SGMS1: variants seen among roughly 807,000 people sequenced by gnomAD.
SGMS1 encodes the protein phosphatidylcholine:ceramide cholinephosphotransferase 1.
In SGMS1, 13 loss-of-function variants were observed where a neutral mutation model predicts 46.2. The observed-to-expected ratio is 0.28, with a 90% CI of 0.18 to 0.45. The LOEUF (loss-of-function observed/expected upper bound fraction) is 0.45. Ranked by LOEUF, SGMS1 falls within the 20% of genes least tolerant of loss-of-function variation. The probability of loss-of-function intolerance (pLI) is 1.00; values close to 1 mark genes in which losing one functional copy is unlikely to be tolerated. For missense variants in SGMS1, 324 were observed against 519.9 expected (o/e 0.62, Z 3.66); for synonymous variants, 203 against 187.8 (o/e 1.08, Z -0.66).
intron 8 of SGMS1, among the ~76,000 whole-genome samples, chr10:50,317,495 C>A (rs1195336431): frequency 6.6e-6 from 1 of 152,156 alleles, no homozygotes; most frequent in Non-Finnish European, 1.5e-5. Context: ...CAGTTGGGTT[C>A]AGAGCCCAAA....
intron 3 of SGMS1, among the ~76,000 whole-genome samples, chr10:50,471,095 C>G (rs1837374872): frequency 1.3e-5 from 2 of 152,140 alleles, no homozygotes; most frequent in Admixed American, 6.6e-5. Context: ...CAACTATGCT[C>G]CAGGCAATGG....
chr10:50,542,454 A>C (rs1298572309), intron 2 of SGMS1, among the ~76,000 whole-genome samples: 2 of 152,064 alleles, frequency 1.3e-5, no homozygotes, highest in Admixed American at 1.3e-4. Context: ...GAAACACTAA[A>C]ATTTCTATGA....
intron 2 of SGMS1, among the ~76,000 whole-genome samples, chr10:50,539,045 C>T (rs1176348119): frequency 3.3e-5 from 5 of 152,268 alleles, no homozygotes. Flanking sequence ...TTGTTCCTGT[C>T]CTCCTGCTCA....
At chr10:50,443,304 A>T (rs1428482945) in intron 5 of SGMS1, among the ~76,000 whole-genome samples, 4 of 152,212 alleles carry the variant, frequency 2.6e-5, no homozygotes, top group Non-Finnish European at 4.4e-5. Flanking sequence ...TTTTAAACAC[A>T]GTTCTTCTAT....
In SGMS1 at chr10:50,305,975, TAAAG is replaced by T. The variant is rs137884579; in HGVS notation, c.*1163_*1166del. 5.9e-3 allele frequency: 905 copies of T among 152,788 alleles called. 10 individuals carry two copies. The highest frequency in any genetic ancestry group is 0.02 in the African/African-American group (838 of 41,578). The allele number at this position is 152,788 out of a possible 1,614,324, so 9.5% of individuals were successfully genotyped here. ...ATGCAGTTTCTGCACAAATATCTTT[TAAAG>T]AAATAGATCTCTTTTTTGTTGTTCA... is the stretch of plus-strand genomic sequence containing the variant. On this transcript the variant is annotated 3_prime_UTR_variant, in exon 11 of 11. Coordinates refer to ENST00000361781, the MANE Select transcript of SGMS1 (RefSeq NM_147156.4).
chr10:50,469,267 C>T (rs1320604185), intron 3 of SGMS1, among the ~76,000 whole-genome samples: 1 of 152,134 alleles, frequency 6.6e-6, no homozygotes, highest in Non-Finnish European at 1.5e-5. Flanking sequence ...GCTATCTTCC[C>T]AAGTAAAGGA....
chr10:50,573,061 C>CT (rs1193489180), intron 2 of SGMS1, among the ~76,000 whole-genome samples: 1 of 152,150 alleles, frequency 6.6e-6, no homozygotes, highest in African/African-American at 2.4e-5. Flanking sequence ...ACCATAAAAA[C>CT]TGTCAAATTA....
intron 6 of SGMS1, among the ~76,000 whole-genome samples, chr10:50,369,497 G>A (rs115805637): frequency 6.7e-6 from 1 of 149,592 alleles, no homozygotes; most frequent in African/African-American, 2.5e-5. Flanking sequence ...GACTCTGTCT[G>A]AAAAAGTAAA....
At chr10:50,591,640 G>A (rs1348614796) in intron 1 of SGMS1, among the ~76,000 whole-genome samples, 4 of 152,148 alleles carry the variant, frequency 2.6e-5, no homozygotes, top group African/African-American at 9.7e-5. Context: ...TTCACTAACA[G>A]AAGGAAAACA....
intron 2 of SGMS1, among the ~76,000 whole-genome samples, chr10:50,577,487 A>G (rs1290115790): frequency 6.6e-6 from 1 of 152,186 alleles, no homozygotes; most frequent in Non-Finnish European, 1.5e-5. Flanking sequence ...AAGAATTCGT[A>G]ATTTATTCAT....
chr10:50,618,489 G>A (rs1390978236), intron 1 of SGMS1, among the ~76,000 whole-genome samples: 1 of 152,072 alleles, frequency 6.6e-6, no homozygotes, highest in African/African-American at 2.4e-5. Context: ...AGTATGGCTA[G>A]TCAAAGAAAT....
intron 6 of SGMS1, among the ~76,000 whole-genome samples, chr10:50,359,287 G>C (rs1035044507): frequency 1.3e-5 from 2 of 152,116 alleles, no homozygotes; most frequent in African/African-American, 4.8e-5. Context: ...TTAATACTTA[G>C]ATTTCACAAC....
intron 1 of SGMS1, among the ~76,000 whole-genome samples, chr10:50,598,471 T>C (rs1406744176): frequency 6.6e-6 from 1 of 152,214 alleles, no homozygotes; most frequent in Admixed American, 6.5e-5. Flanking sequence ...TTTAAGTTTT[T>C]AAAATTTAAA....
At chr10:50,479,608 A>C (rs1158984980) in intron 3 of SGMS1, among the ~76,000 whole-genome samples, 1 of 152,200 alleles carries the variant, frequency 6.6e-6, no homozygotes, top group Non-Finnish European at 1.5e-5. Flanking sequence ...CAAAAGTAAT[A>C]GATTTCATTG....
intron 2 of SGMS1, among the ~76,000 whole-genome samples, chr10:50,536,149 C>T (rs983536108): frequency 6.6e-6 from 1 of 151,974 alleles, no homozygotes; most frequent in Non-Finnish European, 1.5e-5. Context: ...GCCTGGGCAA[C>T]ACACCAAGAC....
At chr10:50,555,727 T>C (rs1361067088) in intron 2 of SGMS1, among the ~76,000 whole-genome samples, 1 of 152,202 alleles carries the variant, frequency 6.6e-6, no homozygotes. Flanking sequence ...ATAAACTCCC[T>C]GGAGGCCAAA....
At chr10:50,410,291 G>A (rs1228215345) in intron 6 of SGMS1, among the ~76,000 whole-genome samples, 1 of 152,160 alleles carries the variant, frequency 6.6e-6, no homozygotes, top group Non-Finnish European at 1.5e-5. Flanking sequence ...CATTCAAGGT[G>A]AAGACAAGCA....
intron 2 of SGMS1, among the ~76,000 whole-genome samples, chr10:50,565,099 G>C (rs543962293): frequency 3.3e-5 from 5 of 152,076 alleles, no homozygotes; most frequent in African/African-American, 1.2e-4. Flanking sequence ...TCCTCCAAAC[G>C]CTTTCCTTTG....
intron 3 of SGMS1, among the ~76,000 whole-genome samples, chr10:50,510,194 C>A (rs951424910): frequency 6.6e-6 from 1 of 152,116 alleles, no homozygotes; most frequent in South Asian, 2.1e-4. Context: ...TAACATAATG[C>A]GTTTGAGATT....
Sources: gnomAD v4.1 joint callset for allele counts (sites outside exome capture counted in the v4.1 genomes callset) on GRCh38, gnomAD v4.1.1 for gene constraint, MANE v1.5 for transcripts, NCBI Gene and HGNC (gene_info 2026-07-23, HGNC 2026-07-21) for gene names.